The following CUL3 variants were observed in gnomAD, a reference collection of about 807,000 sequenced individuals.
CUL3 encodes cullin 3, also known as cullin-3.
A neutral mutation model predicts 89.1 loss-of-function variants in CUL3; 19 were observed. The ratio of observed to expected loss-of-function variants is 0.21; its 90% CI spans 0.15 to 0.31. The LOEUF is 0.31. CUL3 is among the 10% of genes least tolerant of loss of function. The pLI, the probability that CUL3 is intolerant of heterozygous loss-of-function variation, is 1.00. For missense variants in CUL3, 469 were observed against 942.3 expected (o/e 0.50, Z 6.58); for synonymous variants, 351 against 308.4 (o/e 1.14, Z -1.45).
intron 2 of CUL3, among the ~76,000 whole-genome samples, chr2:224,546,130 T>C (rs1694283225): frequency 1.3e-5 from 2 of 152,184 alleles, no homozygotes; most frequent in South Asian, 4.1e-4. Flanking sequence ...GTTTGTAAAG[T>C]ATACTATTCC....
At chr2:224,478,512 T>A in intron 14 of CUL3, 167 bp from the exon 15 acceptor site, 1 of 494,128 alleles carries the variant, frequency 2.0e-6, no homozygotes, top group East Asian at 3.1e-5. Context: ...AATGTTTACT[T>A]GAATACTAAA....
At chr2:224,563,072 G>C in intron 1 of CUL3, 2 of 367,208 alleles carry the variant, frequency 5.4e-6, no homozygotes, top group Non-Finnish European at 5.4e-6. Flanking sequence ...AGAATCTCTT[G>C]AACGCTCATC....
intron 2 of CUL3, among the ~76,000 whole-genome samples, chr2:224,543,622 C>T (rs903528060): frequency 6.6e-6 from 1 of 151,982 alleles, no homozygotes; most frequent in Non-Finnish European, 1.5e-5. Flanking sequence ...ATCCTTAATC[C>T]GAAAATCCAA....
At chr2:224,534,279 T>C (rs1322953845) in intron 3 of CUL3, among the ~76,000 whole-genome samples, 3 of 152,148 alleles carry the variant, frequency 2.0e-5, no homozygotes, top group Admixed American at 6.5e-5. Context: ...CTGAACAGGA[T>C]TTTTTTCTTG....
At chr2:224,492,400 T>C (rs1574624036) in intron 13 of CUL3, among the ~76,000 whole-genome samples, 1 of 152,168 alleles carries the variant, frequency 6.6e-6, no homozygotes, top group South Asian at 2.1e-4. Flanking sequence ...TACTGTTAAG[T>C]TTTCTATTTA....
intron 5 of CUL3, among the ~76,000 whole-genome samples, chr2:224,512,231 G>A (rs1228911539): frequency 1.3e-5 from 2 of 152,036 alleles, no homozygotes; most frequent in African/African-American, 2.4e-5. Flanking sequence ...GAGTAGCTGG[G>A]ACTACAGGCG....
intron 1 of CUL3, chr2:224,562,965 G>A (rs182174997): frequency 1.5e-5 from 3 of 195,574 alleles, no homozygotes; most frequent in Admixed American, 1.2e-4. Context: ...ATCTCAAAGG[G>A]CTGTCATGAA....
At chr2:224,481,571 A>T (rs1201538994) in intron 14 of CUL3, among the ~76,000 whole-genome samples, 1 of 152,152 alleles carries the variant, frequency 6.6e-6, no homozygotes, top group Non-Finnish European at 1.5e-5. Context: ...CTTTAAAATT[A>T]GACTTCCACT....
At chr2:224,549,210 G>A (rs13025710) in intron 2 of CUL3, among the ~76,000 whole-genome samples, 14,562 of 151,864 alleles carry the variant, frequency 0.096, 921 homozygotes, top group East Asian at 0.27. Flanking sequence ...CCAGCTACTC[G>A]GAAGGCTGAG....
chr2:224,511,284 G>T, intron 6 of CUL3, 70 bp downstream of exon 6: 1 of 1,138,854 alleles, frequency 8.8e-7, no homozygotes. Flanking sequence ...TGCTTTAATT[G>T]TAGGAAAATT....
Position 224,557,803 on chromosome 2 carries a change from T to C in CUL3, c.120A>G (p.Ala40=). Residue 40 remains alanine, a synonymous_variant, in exon 2 of 16, where the codon GCA becomes GCG. Transcript: ENST00000264414. ...TATTCTTACGCTGGATTTCTTGAAT[T>C]GCATTTTTCAGAAGGTCCCAAATGC... ...VNSIWDLLKN[A]IQEIQRKNNS... The C allele has an allele frequency of 1.9e-6, 3 of 1,609,826 alleles. No homozygotes were observed. Among genetic ancestry groups the C allele is most frequent in the South Asian group, 1.1e-5 (1 of 90,990 alleles).
intron 1 of CUL3, among the ~76,000 whole-genome samples, chr2:224,579,849 T>C (rs1695393885): frequency 6.6e-6 from 1 of 152,250 alleles, no homozygotes; most frequent in Non-Finnish European, 1.5e-5. Context: ...TTTATTACCG[T>C]TTGATACAGG....
intron 3 of CUL3, among the ~76,000 whole-genome samples, chr2:224,515,194 AGATT>A (rs897136061): frequency 5.9e-5 from 9 of 152,236 alleles, no homozygotes; most frequent in African/African-American, 1.9e-4. Context: ...TATACAACTT[AGATT>A]GATTGTTACT....
At chr2:224,560,403 T>C (rs891703988) in intron 1 of CUL3, 2 of 152,360 alleles carry the variant, frequency 1.3e-5, no homozygotes, top group Non-Finnish European at 1.5e-5. Flanking sequence ...CTACTCAATG[T>C]TTCCACTTTA....
chr2:224,531,356 G>T (rs1478462006), intron 3 of CUL3, among the ~76,000 whole-genome samples: 1 of 151,538 alleles, frequency 6.6e-6, no homozygotes, highest in Non-Finnish European at 1.5e-5. Context: ...CCCAAGTACT[G>T]GAATTACAGG....
intron 3 of CUL3, among the ~76,000 whole-genome samples, chr2:224,520,797 C>T (rs1016750051): frequency 3.3e-5 from 5 of 152,236 alleles, no homozygotes; most frequent in Non-Finnish European, 7.3e-5. Flanking sequence ...GATATTACTA[C>T]TTCCACCATC....
chr2:224,492,721 G>A (rs1354956417), intron 13 of CUL3, among the ~76,000 whole-genome samples: 1 of 152,200 alleles, frequency 6.6e-6, no homozygotes, highest in Admixed American at 6.5e-5. Context: ...GCCACCTGTT[G>A]TAGCCAGCTT....
At chr2:224,504,878 T>C (rs1198292248) in intron 8 of CUL3, among the ~76,000 whole-genome samples, 1 of 152,164 alleles carries the variant, frequency 6.6e-6, no homozygotes, top group African/African-American at 2.4e-5. Context: ...TATGCTGTCG[T>C]GAGCTCCTCA....
intron 11 of CUL3, chr2:224,499,826 A>G: frequency 4.9e-6 from 1 of 206,106 alleles, no homozygotes; most frequent in Non-Finnish European, 1.0e-5. Context: ...TCTTTTCACA[A>G]AGCAGTCTCC....
Sources: allele counts gnomAD v4.1 joint callset (sites outside exome capture counted in the v4.1 genomes callset), GRCh38; gene constraint gnomAD v4.1.1; transcripts MANE v1.5; gene names NCBI Gene and HGNC (gene_info 2026-07-23, HGNC 2026-07-21).